RYR3: variants seen among roughly 807,000 people sequenced by gnomAD.
RYR3 encodes brain ryanodine receptor-calcium release channel.
Under a neutral mutation model 584.3 loss-of-function variants are expected in RYR3, and 207 were observed. That is an observed-to-expected ratio of 0.35 (90% CI 0.32 to 0.40). The LOEUF (loss-of-function observed/expected upper bound fraction) is 0.40, where lower values mean the gene tolerates loss of function less well. Among genes scored for constraint, RYR3 ranks in the 10% least tolerant of loss-of-function variants. The probability of loss-of-function intolerance (pLI) is 1.00; values close to 1 mark genes in which losing one functional copy is unlikely to be tolerated. For missense variants in RYR3, 5,616 were observed against 6,089.2 expected (o/e 0.92, Z 2.59); for synonymous variants, 2,416 against 2,248.5 (o/e 1.07, Z -2.11).
At chr15:33,542,447 A>G (rs906810247) in intron 7 of RYR3, among the ~76,000 whole-genome samples, 1 of 152,150 alleles carries the variant, frequency 6.6e-6, no homozygotes, top group East Asian at 1.9e-4. Context: ...AATCCCCTAT[A>G]ATATATCATG....
intron 1 of RYR3, among the ~76,000 whole-genome samples, chr15:33,423,084 C>G (rs1202154791): frequency 6.6e-6 from 1 of 152,100 alleles, no homozygotes; most frequent in African/African-American, 2.4e-5. Flanking sequence ...CAATGTTTTA[C>G]AACCATCACC....
In RYR3 at chr15:33,841,995, A is replaced by G. The variant is rs1228283704; in HGVS notation, c.13169A>G (p.Asn4390Ser). The change falls in exon 91 of 104, where the codon AAT (asparagine) becomes AGT (serine). Residue 4390 changes from asparagine to serine, a missense_variant. Around this residue, in one of 9 missense-constraint regions of RYR3, gnomAD observed 918 missense variants for 887.4 expected, o/e 1.03. Transcript: ENST00000634891. ...GAGAAGCCGGAAGCTTTCACAGCCA[A>G]TTTCTTTAAAGGGCTGGAAATCTAT... Reference protein sequence around the residue: ...KVEKPEAFTANFFKGLEIYQT... With the variant: ...KVEKPEAFTASFFKGLEIYQT... 4.4e-6 allele frequency: 7 copies of G among 1,603,612 alleles called. No homozygotes were observed. The highest frequency in any genetic ancestry group is 1.1e-5 in the South Asian group (1 of 88,816).
At chr15:33,545,512 AC>A (rs1294440905) in intron 8 of RYR3, among the ~76,000 whole-genome samples, 2 of 152,104 alleles carry the variant, frequency 1.3e-5, no homozygotes, top group East Asian at 1.9e-4. Context: ...AAATCATCAA[AC>A]AAAATAAGAA....
intron 85 of RYR3, 104 bp downstream of exon 85, chr15:33,827,391 A>G (rs1046306691): frequency 1.2e-5 from 12 of 1,020,854 alleles, no homozygotes; most frequent in Admixed American, 1.1e-4. Flanking sequence ...TCAAGCCCCT[A>G]TAAGGAAGGC....
chr15:33,818,721 CA>C, intron 76 of RYR3, 37 bp downstream of exon 76: 1 of 1,483,478 alleles, frequency 6.7e-7, no homozygotes, highest in African/African-American at 1.4e-5. Flanking sequence ...TCCCAGGCAC[CA>C]GGGATACTTG....
intron 45 of RYR3, among the ~76,000 whole-genome samples, chr15:33,724,916 G>A (rs2068233727): frequency 6.6e-6 from 1 of 151,994 alleles, no homozygotes; most frequent in African/African-American, 2.4e-5. Flanking sequence ...AGTAAATGCA[G>A]GAAACCTGGA....
chr15:33,517,792 A>G (rs1409188775), intron 3 of RYR3, among the ~76,000 whole-genome samples: 6 of 152,178 alleles, frequency 3.9e-5, no homozygotes, highest in Non-Finnish European at 8.8e-5. Context: ...TATTACCCCC[A>G]CTATGACCCA....
chr15:33,447,364 A>G (rs1484581583), intron 1 of RYR3, among the ~76,000 whole-genome samples: 2 of 152,190 alleles, frequency 1.3e-5, no homozygotes, highest in African/African-American at 4.8e-5. Context: ...GCAGTCTTCA[A>G]AGCAACAGGA....
intron 16 of RYR3, among the ~76,000 whole-genome samples, chr15:33,586,863 G>A (rs1016755007): frequency 1.3e-5 from 2 of 152,034 alleles, no homozygotes; most frequent in Non-Finnish European, 2.9e-5. Context: ...GCACACACGG[G>A]GACTATCGTG....
intron 89 of RYR3, chr15:33,839,712 A>G (rs1308620940): frequency 6.6e-6 from 1 of 152,246 alleles, no homozygotes; most frequent in Non-Finnish European, 1.5e-5. Context: ...CACTGTCCCT[A>G]CAGCTTAGTG....
rs369693970 is a variant in RYR3 at position 33,841,966 on chromosome 15, G to A, written c.13140G>A (p.Lys4380=). The stretch of plus-strand genomic sequence containing the variant: ...AGAAGAAGCGGCGGTGTGGTCAGAA[G>A]GTTGAGAAGCCGGAAGCTTTCACAG... ...TKKKKRRCGQ[K]VEKPEAFTAN... is the part of the protein sequence containing the mutation. The change falls in exon 91 of 104, where the codon AAG becomes AAA. Residue 4380 remains lysine (K), a synonymous_variant. Coordinates refer to ENST00000634891, the MANE Select transcript of RYR3 (RefSeq NM_001036.6). The A allele has an allele frequency of 9.8e-5, 157 of 1,603,276 alleles. No individual in the cohort carries two copies. Among genetic ancestry groups the A allele is most frequent in the Non-Finnish European group, 1.3e-4 (154 of 1,174,834 alleles).
chr15:33,606,691 T>C (rs1387331874), intron 18 of RYR3, among the ~76,000 whole-genome samples: 1 of 152,150 alleles, frequency 6.6e-6, no homozygotes, highest in Non-Finnish European at 1.5e-5. Context: ...GGTCTCACTT[T>C]CCCTCTCTGG....
intron 1 of RYR3, among the ~76,000 whole-genome samples, chr15:33,391,382 A>C (rs2596197): frequency 0.79 from 119,883 of 151,988 alleles, 47,626 homozygotes; most frequent in East Asian, 1. Flanking sequence ...AATCCCAGCA[A>C]TTTGGGAGGC....
intron 2 of RYR3, among the ~76,000 whole-genome samples, chr15:33,484,472 A>G (rs1472333474): frequency 1.3e-5 from 2 of 152,202 alleles, no homozygotes; most frequent in Non-Finnish European, 2.9e-5. Context: ...AAAAGAAAAG[A>G]TAGGTGATGA....
chr15:33,342,687 A>G (rs1213041982), intron 1 of RYR3, among the ~76,000 whole-genome samples: 1 of 152,166 alleles, frequency 6.6e-6, no homozygotes, highest in Non-Finnish European at 1.5e-5. Flanking sequence ...CCTAAATTCA[A>G]AAACAGAAGC....
intron 53 of RYR3, among the ~76,000 whole-genome samples, chr15:33,746,788 ATTTC>A (rs1433033227): frequency 2.0e-5 from 3 of 148,638 alleles, no homozygotes; most frequent in African/African-American, 4.9e-5. Context: ...GACAAAAATA[ATTTC>A]TTTCTTTCTT....
chr15:33,607,412 G>A (rs908105983), intron 18 of RYR3, among the ~76,000 whole-genome samples: 1 of 152,110 alleles, frequency 6.6e-6, no homozygotes, highest in Non-Finnish European at 1.5e-5. Flanking sequence ...ACCAGGGGAC[G>A]GTTTTTCCTC....
At chr15:33,492,646 A>G (rs1412998697) in intron 2 of RYR3, among the ~76,000 whole-genome samples, 1 of 152,176 alleles carries the variant, frequency 6.6e-6, no homozygotes, top group Non-Finnish European at 1.5e-5. Flanking sequence ...TCCTGGGTCC[A>G]TGAACTGCAT....
chr15:33,404,042 CAT>C (rs1286407216), intron 1 of RYR3, among the ~76,000 whole-genome samples: 1 of 152,176 alleles, frequency 6.6e-6, no homozygotes, highest in Non-Finnish European at 1.5e-5. Flanking sequence ...TAGCAAGCCA[CAT>C]GTTACTGTTC....
Sources: allele counts gnomAD v4.1 joint callset (sites outside exome capture counted in the v4.1 genomes callset), GRCh38; gene constraint gnomAD v4.1.1; regional missense constraint gnomAD v4.1.1; transcripts MANE v1.5; gene names NCBI Gene and HGNC (gene_info 2026-07-23, HGNC 2026-07-21).